The following NSUN7 variants were observed in gnomAD, a reference collection of about 807,000 sequenced individuals.
NSUN7 encodes NOP2/Sun RNA methyltransferase family member 7.
A neutral mutation model predicts 58.5 loss-of-function variants in NSUN7; 39 were observed. That is an observed-to-expected ratio of 0.67 (90% CI 0.52 to 0.87). NSUN7 has a LOEUF of 0.87. NSUN7 is among the 40% of genes least tolerant of loss of function. The pLI is 0.00. For synonymous variants in NSUN7, 278 were observed against 303.7 expected, an observed-to-expected ratio of 0.92 and a Z score of 0.88; for missense variants, 765 against 844.1, an observed-to-expected ratio of 0.91 and a Z score of 1.16.
intron 2 of NSUN7, among the ~76,000 whole-genome samples, chr4:40,752,777 C>T (rs975724512): frequency 9.2e-4 from 9 of 9,732 alleles, no homozygotes; most frequent in Admixed American, 1.8e-3. Flanking sequence ...AAATGTCTCA[C>T]TGATTATTTA....
chr4:40,771,366 C>T (rs1742000694), intron 4 of NSUN7, among the ~76,000 whole-genome samples: 1 of 152,164 alleles, frequency 6.6e-6, no homozygotes, highest in African/African-American at 2.4e-5. Context: ...GAAAAACTGG[C>T]TTGACTCTCT....
In NSUN7 at chr4:40,750,710, G is replaced by A. The variant is rs756975552; in HGVS notation, c.17G>A (p.Gly6Asp). Residue 6 changes from glycine to aspartate, a missense_variant, in exon 2 of 12, where the codon GGC becomes GAC. By Grantham distance (94) the Gly-to-Asp change is moderately conservative. Coordinates refer to ENST00000381782, the MANE Select transcript of NSUN7 (RefSeq NM_024677.6). The stretch of plus-strand genomic sequence containing the variant: ...GGGGCAGACATGCTGAATTCCACGG[G>A]CGAACTGGAGTTTTCGAACGAAGAA... MLNST[G>D]ELEFSNEEDP... 1.9e-6 allele frequency: 3 copies of A among 1,613,306 alleles called. No individual in the cohort carries two copies. The highest frequency in any genetic ancestry group is 2.7e-5 in the African/African-American group (2 of 75,006).
intron 7 of NSUN7, 137 bp downstream of exon 7, chr4:40,776,396 T>G: frequency 3.4e-6 from 2 of 585,902 alleles, no homozygotes; most frequent in Non-Finnish European, 5.8e-6. Flanking sequence ...CTTACTAATC[T>G]ATGTCTTATC....
At chr4:40,785,586 C>T (rs1229730092) in intron 7 of NSUN7, among the ~76,000 whole-genome samples, 2 of 152,312 alleles carry the variant, frequency 1.3e-5, no homozygotes, top group African/African-American at 2.4e-5. Flanking sequence ...GTTGTGAACT[C>T]CTGACCTCAG....
At chr4:40,796,760 A>G (rs1743340540) in intron 9 of NSUN7, among the ~76,000 whole-genome samples, 1 of 152,014 alleles carries the variant, frequency 6.6e-6, no homozygotes, top group African/African-American at 2.4e-5. Context: ...GGTCTCCATA[A>G]CTCTCTTCAT....
intron 5 of NSUN7, 53 bp from the exon 6 acceptor site, chr4:40,774,714 A>G (rs1213152959): frequency 2.7e-6 from 3 of 1,119,530 alleles, no homozygotes; most frequent in Non-Finnish European, 3.8e-6. Flanking sequence ...AGTGTTAAGG[A>G]CGTTTTTAAT....
intron 2 of NSUN7, among the ~76,000 whole-genome samples, chr4:40,757,655 G>GTGTA (rs1553917109): frequency 5.6e-5 from 8 of 142,910 alleles, no homozygotes; most frequent in African/African-American, 1.8e-4. Context: ...TATACATTGT[G>GTGTA]TATATATATA....
chr4:40,804,368 G>C (rs1743728771), intron 10 of NSUN7, among the ~76,000 whole-genome samples: 1 of 151,776 alleles, frequency 6.6e-6, no homozygotes, highest in South Asian at 2.1e-4. Flanking sequence ...TGAACTAGGA[G>C]GCGGAGGTTG....
At chr4:40,784,154 A>G (rs1314469001) in intron 7 of NSUN7, among the ~76,000 whole-genome samples, 2 of 152,238 alleles carry the variant, frequency 1.3e-5, no homozygotes, top group Non-Finnish European at 2.9e-5. Flanking sequence ...GTAAGCAACA[A>G]TGTGGAAGAA....
chr4:40,761,107 T>C, intron 3 of NSUN7, 64 bp from the exon 4 acceptor site: 7 of 1,270,558 alleles, frequency 5.5e-6, no homozygotes, highest in Non-Finnish European at 7.7e-6. Flanking sequence ...TGGAATGGAA[T>C]GGAAAATATT....
chr4:40,785,328 AAAG>A (rs1742763261), intron 7 of NSUN7, among the ~76,000 whole-genome samples: 6 of 152,116 alleles, frequency 3.9e-5, no homozygotes, highest in Admixed American at 3.3e-4. Context: ...TCAGGGAAAA[AAAG>A]AAAAAGAAAA....
intron 8 of NSUN7, among the ~76,000 whole-genome samples, chr4:40,791,670 T>C (rs1743077494): frequency 1.3e-5 from 2 of 152,180 alleles, no homozygotes; most frequent in Admixed American, 6.5e-5. Flanking sequence ...AATTAGAATA[T>C]TAGAAAAAGA....
intron 4 of NSUN7, among the ~76,000 whole-genome samples, chr4:40,765,179 G>T: frequency 1.9e-5 from 2 of 104,004 alleles, no homozygotes; most frequent in African/African-American, 3.7e-5. Context: ...GAATGGTAAT[G>T]CCTAGGTTTT....
chr4:40,751,125 A>AC (rs1740811616), intron 2 of NSUN7, 134 bp downstream of exon 2: 4 of 918,802 alleles, frequency 4.4e-6, no homozygotes, highest in Non-Finnish European at 4.9e-6. Flanking sequence ...ATCTTTGGTT[A>AC]ATTGCAAGTG....
In NSUN7 at chr4:40,760,675, C is replaced by T. The variant is rs1013217029; in HGVS notation, c.357+183C>T. Among the ~76,000 whole-genome samples the T allele has an allele frequency of 2.6e-5, 4 of 151,220 alleles. No homozygotes were observed. In the East Asian group the frequency reaches 7.7e-4, roughly 29 times the overall value. On this transcript the variant is annotated intron_variant, in intron 3 of 11. Transcript: ENST00000381782. ...GTCGGGAGTTCGAGACCAGCCTGAC[C>T]AACATGGAGAAACCTGGCTCTACTA...
At chr4:40,790,477 C>A (rs1389814117) in intron 7 of NSUN7, 125 bp from the exon 8 acceptor site, 4 of 602,724 alleles carry the variant, frequency 6.6e-6, no homozygotes, top group African/African-American at 5.7e-5. Flanking sequence ...TCTTTTCTAA[C>A]TACATCAAAA....
intron 9 of NSUN7, among the ~76,000 whole-genome samples, chr4:40,797,866 T>C (rs966493966): frequency 1.3e-5 from 2 of 152,226 alleles, no homozygotes; most frequent in Non-Finnish European, 2.9e-5. Context: ...TTCGACTTAC[T>C]ACTCTCTCTT....
At chr4:40,760,560 C>T in intron 3 of NSUN7, 68 bp downstream of exon 3, 1 of 1,322,384 alleles carries the variant, frequency 7.6e-7, no homozygotes. Flanking sequence ...GTTTAAAAGC[C>T]TTTAGATTTA....
At chr4:40,778,223 C>A (rs1026727140) in intron 7 of NSUN7, among the ~76,000 whole-genome samples, 4 of 152,018 alleles carry the variant, frequency 2.6e-5, no homozygotes, top group African/African-American at 9.7e-5. Context: ...TGTGGAATTG[C>A]AGATGGAGAG....
Sources: allele counts gnomAD v4.1 joint callset (sites outside exome capture counted in the v4.1 genomes callset), GRCh38; gene constraint gnomAD v4.1.1; transcripts MANE v1.5; gene names NCBI Gene and HGNC (gene_info 2026-07-23, HGNC 2026-07-21).